Variants in TRPC5 observed in about 807,000 individuals in gnomAD.
The protein encoded by TRPC5 is transient receptor potential cation channel subfamily C member 5, also known as short transient receptor potential channel 5.
Under a neutral mutation model 56.5 loss-of-function variants are expected in TRPC5, and 9 were observed. The observed-to-expected ratio is 0.16, with a 90% CI of 0.10 to 0.28. The LOEUF (loss-of-function observed/expected upper bound fraction) is 0.28. Among genes scored for constraint, TRPC5 ranks in the 10% least tolerant of loss-of-function variants. The pLI, the probability that TRPC5 is intolerant of heterozygous loss-of-function variation, is 1.00. For missense variants in TRPC5, 469 were observed against 748.9 expected (o/e 0.63, Z 4.36); for synonymous variants, 282 against 278.5 (o/e 1.01, Z -0.13).
intron 2 of TRPC5, among the ~76,000 whole-genome samples, chrX:111,928,531 G>A (rs192929456): frequency 4.5e-4 from 50 of 111,503 alleles, no homozygotes; most frequent in African/African-American, 1.6e-3. Flanking sequence ...CTTTGAACTG[G>A]CAGCTGCATT....
At chrX:112,000,844 G>A (rs1381963257) in intron 1 of TRPC5, among the ~76,000 whole-genome samples, 1 of 111,721 alleles carries the variant, frequency 9.0e-6, no homozygotes, top group Non-Finnish European at 1.9e-5. Flanking sequence ...ATCCTAGGGC[G>A]ATTTCACTGA....
intron 1 of TRPC5, among the ~76,000 whole-genome samples, chrX:112,052,331 G>A (rs61022703): frequency 0.012 from 1,320 of 110,596 alleles, 16 homozygotes; most frequent in African/African-American, 0.041. Flanking sequence ...TGAGTATGAT[G>A]TGGTATCTCA....
At chrX:111,877,019 C>T (rs1024718434) in intron 3 of TRPC5, among the ~76,000 whole-genome samples, 1 of 111,647 alleles carries the variant, frequency 9.0e-6, no homozygotes, top group South Asian at 3.8e-4. Flanking sequence ...TAGAAAAATA[C>T]TATCTATGGA....
chrX:112,029,182 C>G (rs1929515864), intron 1 of TRPC5, among the ~76,000 whole-genome samples: 1 of 109,388 alleles, frequency 9.1e-6, no homozygotes, highest in Non-Finnish European at 1.9e-5. Context: ...CTTCTACTCT[C>G]TATGTCTGTG....
At chrX:111,898,452 C>A (rs1014006565) in intron 3 of TRPC5, among the ~76,000 whole-genome samples, 2 of 108,616 alleles carry the variant, frequency 1.8e-5, no homozygotes, top group Non-Finnish European at 3.8e-5. Context: ...TTTTGTATCC[C>A]CTGTTTCCCA....
chrX:111,839,053 G>A (rs1231474223), intron 6 of TRPC5, among the ~76,000 whole-genome samples: 1 of 111,609 alleles, frequency 9.0e-6, no homozygotes, highest in African/African-American at 3.3e-5. Context: ...CCCAACACAG[G>A]TGACCCTTTG....
At chrX:111,870,617 A>G (rs1196338786) in intron 3 of TRPC5, among the ~76,000 whole-genome samples, 2 of 111,521 alleles carry the variant, frequency 1.8e-5, no homozygotes, top group Non-Finnish European at 3.8e-5. Flanking sequence ...CCATCAGTGC[A>G]TGTCAGGTTT....
chrX:112,011,069 G>A (rs900815277), intron 1 of TRPC5, among the ~76,000 whole-genome samples: 1 of 111,433 alleles, frequency 9.0e-6, no homozygotes, highest in African/African-American at 3.3e-5. Flanking sequence ...TAAAATACAG[G>A]CTATGTCTGA....
intron 3 of TRPC5, among the ~76,000 whole-genome samples, chrX:111,899,708 C>T (rs1399161128): frequency 9.0e-6 from 1 of 111,083 alleles, no homozygotes; most frequent in Non-Finnish European, 1.9e-5. Context: ...TGCTCTCTTA[C>T]AATATTTAAC....
rs1255639797 is a variant in TRPC5 at position 111,910,607 on chromosome X, T to C, written c.900+1684A>G. Among the ~76,000 whole-genome samples the C allele has an allele frequency of 5.3e-5, 6 of 112,582 alleles. No homozygotes were observed. The Admixed American group carries it at 5.6e-4, about 11-fold the overall frequency. The stretch of plus-strand genomic sequence containing the variant: ...AGTGCCATGGCATGATCTCGACTTA[T>C]TGCAACCTCTGCCTCCCAGGTTCAA... On this transcript the variant is annotated intron_variant, in intron 3 of 10. Coordinates refer to ENST00000262839, the MANE Select transcript of TRPC5 (RefSeq NM_012471.3).
At chrX:111,796,130 T>C (rs1434962583) in intron 7 of TRPC5, among the ~76,000 whole-genome samples, 1 of 112,350 alleles carries the variant, frequency 8.9e-6, no homozygotes, top group Non-Finnish European at 1.9e-5. Flanking sequence ...TCTGTTATTG[T>C]GCTTTTCAAA....
intron 1 of TRPC5, among the ~76,000 whole-genome samples, chrX:112,028,115 T>C (rs913836110): frequency 4.5e-5 from 5 of 111,673 alleles, no homozygotes; most frequent in Non-Finnish European, 9.4e-5. Flanking sequence ...ACTTGTCTTT[T>C]ATTGTTGGCC....
At chrX:111,912,933 G>T in intron 2 of TRPC5, 121 bp from the exon 3 acceptor site, 2 of 789,815 alleles carry the variant, frequency 2.5e-6, no homozygotes, top group South Asian at 2.7e-5. Context: ...CAATTCTTTT[G>T]ACCTCCTAAA....
intron 1 of TRPC5, among the ~76,000 whole-genome samples, chrX:112,069,173 C>A (rs1049197653): frequency 2.3e-4 from 26 of 111,921 alleles, no homozygotes; most frequent in Admixed American, 2.3e-3. Flanking sequence ...TACTATTATC[C>A]TTAGTTTATG....
chrX:111,893,784 A>T (rs2148608884), intron 3 of TRPC5, among the ~76,000 whole-genome samples: 1 of 112,298 alleles, frequency 8.9e-6, no homozygotes, highest in African/African-American at 3.2e-5. Context: ...GTCAGATCCT[A>T]TAACAGGCAA....
chrX:111,888,116 C>G (rs2148604624), intron 3 of TRPC5, among the ~76,000 whole-genome samples: 1 of 111,185 alleles, frequency 9.0e-6, no homozygotes, highest in African/African-American at 3.3e-5. Flanking sequence ...GAGTCAAGAC[C>G]ATTCCAGGCA....
intron 7 of TRPC5, among the ~76,000 whole-genome samples, chrX:111,803,349 A>G (rs1921383801): frequency 8.9e-6 from 1 of 112,733 alleles, no homozygotes; most frequent in Non-Finnish European, 1.9e-5. Flanking sequence ...AGCATGATTC[A>G]TAATCCTTTG....
At chrX:111,889,234 G>C (rs1296913382) in intron 3 of TRPC5, among the ~76,000 whole-genome samples, 1 of 111,553 alleles carries the variant, frequency 9.0e-6, no homozygotes, top group Non-Finnish European at 1.9e-5. Flanking sequence ...AGTAAGATGA[G>C]ACGGAGAGCT....
intron 7 of TRPC5, among the ~76,000 whole-genome samples, chrX:111,787,582 C>CA (rs371397409): frequency 5.5e-3 from 354 of 64,525 alleles, no homozygotes; most frequent in Admixed American, 0.011. Context: ...GTGATAGAGA[C>CA]AAAAAAAAAA....
Sources: allele counts gnomAD v4.1 joint callset (sites outside exome capture counted in the v4.1 genomes callset), GRCh38; gene constraint gnomAD v4.1.1; transcripts MANE v1.5; gene names NCBI Gene and HGNC (gene_info 2026-07-23, HGNC 2026-07-21).